MBOAT2: variants seen among roughly 807,000 people sequenced by gnomAD.
MBOAT2 encodes the protein membrane bound glycerophospholipid O-acyltransferase 2, also known as membrane-bound glycerophospholipid O-acyltransferase 2.
Under a neutral mutation model 63.4 loss-of-function variants are expected in MBOAT2, and 28 were observed. That is an observed-to-expected ratio of 0.44 (90% CI 0.33 to 0.61). The LOEUF is 0.61. MBOAT2 is among the 20% of genes least tolerant of loss of function. The pLI is 0.03. For synonymous variants in MBOAT2, 211 were observed against 215.6 expected (o/e 0.98, Z 0.19); for missense variants, 470 against 605.8 (o/e 0.78, Z 2.35).
chr2:8,989,182 G>A (rs1426967345), intron 1 of MBOAT2, among the ~76,000 whole-genome samples: 3 of 152,098 alleles, frequency 2.0e-5, no homozygotes, highest in Non-Finnish European at 2.9e-5. Context: ...GCTTTGATGA[G>A]CCCCTATTTC....
At chr2:8,934,241 C>T (rs1429208468) in intron 3 of MBOAT2, among the ~76,000 whole-genome samples, 3 of 152,222 alleles carry the variant, frequency 2.0e-5, no homozygotes, top group African/African-American at 7.2e-5. Flanking sequence ...TGAACAATCA[C>T]CAACACCTAC....
intron 1 of MBOAT2, among the ~76,000 whole-genome samples, chr2:8,962,315 C>A (rs893040861): frequency 6.6e-6 from 1 of 152,076 alleles, no homozygotes; most frequent in East Asian, 1.9e-4. Flanking sequence ...TAAAAACAAA[C>A]CCCAAACAGA....
chr2:8,886,885 G>C (rs1464410227), intron 5 of MBOAT2, among the ~76,000 whole-genome samples: 2 of 152,164 alleles, frequency 1.3e-5, no homozygotes, highest in African/African-American at 4.8e-5. Context: ...TTTACCTACA[G>C]TGTTTCCTAG....
intron 5 of MBOAT2, among the ~76,000 whole-genome samples, chr2:8,884,351 TA>T (rs923212439): frequency 1.6e-4 from 24 of 150,302 alleles, no homozygotes; most frequent in Non-Finnish European, 2.2e-4. Context: ...AAAAAACACT[TA>T]AAAAAAAAGA....
chr2:8,995,656 T>C (rs1276462958), intron 1 of MBOAT2, among the ~76,000 whole-genome samples: 3 of 149,454 alleles, frequency 2.0e-5, no homozygotes, highest in Non-Finnish European at 3.0e-5. Flanking sequence ...AGTGGCACGA[T>C]CTTGGCTCAC....
chr2:8,936,568 G>T lies in MBOAT2; in HGVS notation c.299+6619C>A, dbSNP rs189472482. Among the ~76,000 whole-genome samples the T allele has an allele frequency of 5.7e-3, 863 of 152,250 alleles. 7 individuals carry two copies. Among genetic ancestry groups the T allele is most frequent in the Non-Finnish European group, 9.6e-3 (650 of 68,030 alleles). On this transcript the variant is annotated intron_variant, in intron 3 of 12. Transcript: ENST00000305997. ...GGGAGGCCAAGGCAGGCAGATCAAAGATCAGGAGTTCAAGACCAGCCTGGC... is the reference window on the plus strand; with the variant it reads ...GGGAGGCCAAGGCAGGCAGATCAAATATCAGGAGTTCAAGACCAGCCTGGC...
At chr2:8,880,465 T>C (rs1263369881) in intron 6 of MBOAT2, among the ~76,000 whole-genome samples, 1 of 152,178 alleles carries the variant, frequency 6.6e-6, no homozygotes, top group Non-Finnish European at 1.5e-5. Flanking sequence ...TTGAACATGT[T>C]CTGTTCGAGC....
intron 4 of MBOAT2, among the ~76,000 whole-genome samples, chr2:8,905,889 A>C (rs891549060): frequency 3.3e-5 from 5 of 152,230 alleles, no homozygotes; most frequent in African/African-American, 9.6e-5. Context: ...TTAAAAGTCC[A>C]GGTTGTTTTT....
intron 1 of MBOAT2, among the ~76,000 whole-genome samples, chr2:8,979,512 T>C (rs1671057991): frequency 6.6e-6 from 1 of 152,112 alleles, no homozygotes; most frequent in Non-Finnish European, 1.5e-5. Context: ...TTTTGTTCAT[T>C]GTATCCCCCA....
chr2:8,894,323 C>T (rs536507087), intron 4 of MBOAT2, among the ~76,000 whole-genome samples: 188 of 152,336 alleles, frequency 1.2e-3, no homozygotes, highest in Middle Eastern at 6.8e-3. Context: ...TCTCTGTTTA[C>T]TCCTGGTAAC....
Position 8,909,232 on chromosome 2 carries a change from C to T in MBOAT2, c.300-516G>A, listed in dbSNP as rs140435707. On this transcript the variant is annotated intron_variant, in intron 3 of 12. Transcript: ENST00000305997. ...ACTTAAGATGCTTGGAATATAGTTA[C>T]AATTAAAAACATAGCATGGGAAAAA... is the stretch of plus-strand genomic sequence containing the variant. 5.2e-3 allele frequency among the ~76,000 whole-genome samples: 789 copies of T among 152,164 alleles called. 8 individuals are homozygous for T. The highest frequency in any genetic ancestry group is 0.018 in the African/African-American group (764 of 41,504).
Position 8,852,933 on chromosome 2 carries a change from C to T in MBOAT2, c.*5746G>A, listed in dbSNP as rs920667094. ...TTTATGAATCTGTTGAAAAATAACA[C>T]TTCTTTAAAAAAATATTTTGGAATA... On this transcript the variant is annotated 3_prime_UTR_variant, in exon 13 of 13. Coordinates refer to ENST00000305997, the MANE Select transcript of MBOAT2 (RefSeq NM_138799.4). 3 of 152,146 alleles carry T rather than the reference C, an allele frequency of 2.0e-5. No individual in the cohort carries two copies. Among genetic ancestry groups the T allele is most frequent in the African/African-American group, 4.8e-5 (2 of 41,428 alleles). 9.4% of individuals were successfully genotyped at this position (152,146 alleles called of 1,614,324 possible).
chr2:8,898,246 CT>C (rs1202096822), intron 4 of MBOAT2, among the ~76,000 whole-genome samples: 2 of 152,198 alleles, frequency 1.3e-5, no homozygotes, highest in African/African-American at 4.8e-5. Flanking sequence ...GTTTCTGCCC[CT>C]GGTTCCCGTT....
At chr2:8,865,275 T>A (rs1248629424) in intron 9 of MBOAT2, among the ~76,000 whole-genome samples, 1 of 152,200 alleles carries the variant, frequency 6.6e-6, no homozygotes, top group Non-Finnish European at 1.5e-5. Flanking sequence ...CCCATCTATA[T>A]CTCTGGTCCT....
At chr2:9,000,964 T>C (rs937968674) in intron 1 of MBOAT2, among the ~76,000 whole-genome samples, 5 of 152,178 alleles carry the variant, frequency 3.3e-5, no homozygotes, top group African/African-American at 1.2e-4. Flanking sequence ...CTTTTTTCTA[T>C]TAAAATTTTT....
Position 8,873,259 on chromosome 2 carries a change from C to T in MBOAT2, c.732G>A (p.Leu244=). Residue 244 remains leucine, a synonymous_variant, in exon 8 of 13, where the codon TTG becomes TTA. Coordinates refer to ENST00000305997, the MANE Select transcript of MBOAT2 (RefSeq NM_138799.4). ...VQKLLVCGLS[L]LFHLTICTTL... is the part of the protein sequence containing the mutation. ...TTGTACAGATGGTCAAGTGAAATAA[C>T]AAGGACAGCCCACAAACTAAGAGCT... The T allele has an allele frequency of 6.2e-7, 1 of 1,614,146 alleles. No individual in the cohort carries two copies. The highest frequency in any genetic ancestry group is 1.1e-5 in the South Asian group (1 of 91,074).
chr2:8,934,762 G>A (rs1161039228), intron 3 of MBOAT2, among the ~76,000 whole-genome samples: 2 of 152,046 alleles, frequency 1.3e-5, no homozygotes, highest in African/African-American at 2.4e-5. Flanking sequence ...ATTCTCTCTT[G>A]TGGGATCATG....
chr2:8,916,327 A>G (rs1488494991), intron 3 of MBOAT2, among the ~76,000 whole-genome samples: 2 of 152,202 alleles, frequency 1.3e-5, no homozygotes, highest in Admixed American at 6.5e-5. Context: ...AAGAATTCAG[A>G]TATGATTATT....
intron 1 of MBOAT2, among the ~76,000 whole-genome samples, chr2:8,993,650 C>T (rs967366141): frequency 6.6e-6 from 1 of 152,172 alleles, no homozygotes; most frequent in African/African-American, 2.4e-5. Context: ...TCCCTCAGAA[C>T]CTGGCCTTCC....
Sources: allele counts gnomAD v4.1 joint callset (sites outside exome capture counted in the v4.1 genomes callset), GRCh38; gene constraint gnomAD v4.1.1; transcripts MANE v1.5; gene names NCBI Gene and HGNC (gene_info 2026-07-23, HGNC 2026-07-21).